The following FGF14 variants were observed in gnomAD, a reference collection of about 807,000 sequenced individuals.
The protein encoded by FGF14 is fibroblast growth factor 14.
In FGF14, 5 loss-of-function variants were observed where a neutral mutation model predicts 25.5. The observed-to-expected ratio is 0.20, with a 90% CI of 0.10 to 0.41. The LOEUF is 0.41. Ranked by LOEUF, FGF14 falls within the 10% of genes least tolerant of loss-of-function variation. The pLI, the probability that FGF14 is intolerant of heterozygous loss-of-function variation, is 1.00. For synonymous variants in FGF14, 138 were observed against 118.3 expected, an observed-to-expected ratio of 1.17 and a Z score of -1.08; for missense variants, 222 against 320.1, an observed-to-expected ratio of 0.69 and a Z score of 2.34.
chr13:102,212,034 G>A (rs891103540), intron 1 of FGF14, among the ~76,000 whole-genome samples: 20 of 152,068 alleles, frequency 1.3e-4, no homozygotes, highest in African/African-American at 4.6e-4. Flanking sequence ...AGCACTTAGG[G>A]CTCCTTCGTT....
At chr13:102,127,053 A>G (rs2045978694) in intron 1 of FGF14, among the ~76,000 whole-genome samples, 1 of 152,198 alleles carries the variant, frequency 6.6e-6, no homozygotes, top group African/African-American at 2.4e-5. Context: ...TCACTTCTTA[A>G]TGACTTGCCC....
At chr13:102,184,453 A>C (rs1478446018) in intron 1 of FGF14, among the ~76,000 whole-genome samples, 1 of 152,168 alleles carries the variant, frequency 6.6e-6, no homozygotes, top group Non-Finnish European at 1.5e-5. Flanking sequence ...ATGTATAGTG[A>C]GAGATTGATC....
At chr13:101,804,422 A>G (rs1363266103) in intron 3 of FGF14, among the ~76,000 whole-genome samples, 2 of 152,192 alleles carry the variant, frequency 1.3e-5, no homozygotes, top group African/African-American at 2.4e-5. Flanking sequence ...TTAGCATACA[A>G]AACTCACAGA....
In FGF14 at chr13:101,854,555, A is replaced by G. The variant is rs182262381; in HGVS notation, c.408+14170T>C. 3.1e-3 allele frequency among the ~76,000 whole-genome samples: 474 copies of G among 152,222 alleles called. 7 individuals carry two copies. The highest frequency in any genetic ancestry group is 5.6e-3 in the East Asian group (29 of 5,160). On this transcript the variant is annotated intron_variant, in intron 3 of 4. Coordinates refer to ENST00000376143, the MANE Select transcript of FGF14 (RefSeq NM_004115.4). ...ACCATTCTGTCAAAATGTAATCACA[A>G]TATCTGAAGATTAAACGAAACATAA...
At chr13:101,759,582 G>T (rs561741707) in intron 3 of FGF14, among the ~76,000 whole-genome samples, 106 of 152,200 alleles carry the variant, frequency 7.0e-4, no homozygotes, top group African/African-American at 2.3e-3. Flanking sequence ...TGGAAAGACA[G>T]GTTCACATCA....
At chr13:102,341,584 G>A (rs1041073268) in intron 1 of FGF14, among the ~76,000 whole-genome samples, 2 of 152,238 alleles carry the variant, frequency 1.3e-5, no homozygotes, top group South Asian at 4.2e-4. Context: ...AAGCAGGAAG[G>A]CTGACAAAGC....
At chr13:102,387,749 T>C (rs2058338973) in intron 1 of FGF14, among the ~76,000 whole-genome samples, 1 of 152,098 alleles carries the variant, frequency 6.6e-6, no homozygotes, top group Admixed American at 6.5e-5. Context: ...TTGGGTTTTT[T>C]TGAGATGGAC....
At chr13:101,801,582 A>G (rs538920607) in intron 3 of FGF14, among the ~76,000 whole-genome samples, 64 of 152,202 alleles carry the variant, frequency 4.2e-4, no homozygotes, top group Non-Finnish European at 8.8e-4. Context: ...GAGGGTTTTC[A>G]GAAGCTAGTT....
At chr13:102,089,514 A>C (rs2044074938) in intron 1 of FGF14, among the ~76,000 whole-genome samples, 1 of 152,208 alleles carries the variant, frequency 6.6e-6, no homozygotes, top group African/African-American at 2.4e-5. Flanking sequence ...GCAGTTAGCT[A>C]ATTTTAACAG....
At chr13:102,011,712 C>T (rs182330155) in intron 1 of FGF14, among the ~76,000 whole-genome samples, 4 of 152,300 alleles carry the variant, frequency 2.6e-5, no homozygotes, top group Admixed American at 1.3e-4. Context: ...AAGAGGGTTT[C>T]TGGAAGGATC....
chr13:101,837,351 T>C (rs187089324), intron 3 of FGF14, among the ~76,000 whole-genome samples: 1 of 152,240 alleles, frequency 6.6e-6, no homozygotes, highest in East Asian at 1.9e-4. Flanking sequence ...TGAGCTCTGC[T>C]ATGCCAGTTA....
At chr13:102,202,569 G>A (rs572533917) in intron 1 of FGF14, among the ~76,000 whole-genome samples, 1 of 152,274 alleles carries the variant, frequency 6.6e-6, no homozygotes, top group Admixed American at 6.5e-5. Flanking sequence ...TGCTGCATTG[G>A]GGGAAAAAGT....
In FGF14 at chr13:102,026,330, AGATT is replaced by A. The variant is rs1278983016; in HGVS notation, c.209-151038_209-151035del. Among the ~76,000 whole-genome samples, 6 of 151,992 alleles carry A rather than the reference AGATT, an allele frequency of 3.9e-5. No homozygotes were observed. The East Asian group carries it at 7.8e-4, about 20-fold the overall frequency. On this transcript the variant is annotated intron_variant, in intron 1 of 4. Coordinates refer to the FGF14 transcript ENST00000376131. ...GTATATATTCTTTTTATATGTTGCT[AGATT>A]AAGATTTTTATATTTCATTAAAATT...
intron 1 of FGF14, among the ~76,000 whole-genome samples, chr13:102,058,799 A>G (rs1202721020): frequency 2.6e-5 from 4 of 152,052 alleles, no homozygotes; most frequent in Non-Finnish European, 5.9e-5. Flanking sequence ...AATTTCCCCT[A>G]CTGCTTATTT....
At chr13:102,206,225 G>A (rs187413024) in intron 1 of FGF14, among the ~76,000 whole-genome samples, 4 of 151,544 alleles carry the variant, frequency 2.6e-5, no homozygotes, top group South Asian at 4.2e-4. Flanking sequence ...CTCATTCCTC[G>A]ATGCATAGGA....
intron 1 of FGF14, among the ~76,000 whole-genome samples, chr13:102,334,650 A>G (rs1472835638): frequency 6.6e-6 from 1 of 152,228 alleles, no homozygotes; most frequent in African/African-American, 2.4e-5. Context: ...GTGTTCGTAT[A>G]AGGCTTCTGT....
At chr13:101,769,227 A>G (rs1015369473) in intron 3 of FGF14, among the ~76,000 whole-genome samples, 2 of 152,192 alleles carry the variant, frequency 1.3e-5, no homozygotes, top group Non-Finnish European at 2.9e-5. Flanking sequence ...ATATGTCATC[A>G]GGGAAATGCA....
At chr13:102,211,898 A>C (rs2050177357) in intron 1 of FGF14, among the ~76,000 whole-genome samples, 1 of 152,198 alleles carries the variant, frequency 6.6e-6, no homozygotes, top group Non-Finnish European at 1.5e-5. Context: ...TTCTTGGTTC[A>C]ATTTGACATG....
At chr13:102,263,623 T>C (rs1175948842) in intron 1 of FGF14, among the ~76,000 whole-genome samples, 4 of 152,226 alleles carry the variant, frequency 2.6e-5, no homozygotes, top group Non-Finnish European at 5.9e-5. Flanking sequence ...CGTATTTTCA[T>C]GGACTCTAAT....
Sources: gnomAD v4.1 joint callset for allele counts (sites outside exome capture counted in the v4.1 genomes callset) on GRCh38, gnomAD v4.1.1 for gene constraint, MANE v1.5 for transcripts, NCBI Gene and HGNC (gene_info 2026-07-23, HGNC 2026-07-21) for gene names.